CEP85L: variants seen among roughly 807,000 people sequenced by gnomAD.
The protein encoded by CEP85L is centrosomal protein 85L.
A neutral mutation model predicts 100.3 loss-of-function variants in CEP85L; 60 were observed. That is an observed-to-expected ratio of 0.60 (90% CI 0.49 to 0.74). CEP85L has a LOEUF of 0.74. Among genes scored for constraint, CEP85L ranks in the 30% least tolerant of loss-of-function variants. The pLI, the probability that CEP85L is intolerant of heterozygous loss-of-function variation, is 0.00. For synonymous variants in CEP85L, 319 were observed against 322.7 expected (o/e 0.99, Z 0.12); for missense variants, 973 against 936.2 (o/e 1.04, Z -0.51).
At chr6:118,565,332 T>C (rs1779437378) in intron 3 of CEP85L, 197 bp downstream of exon 3, 2 of 597,012 alleles carry the variant, frequency 3.4e-6, no homozygotes, top group Non-Finnish European at 5.9e-6. Flanking sequence ...GTTTTCAGAT[T>C]TTCATGTTAA....
chr6:118,494,146 G>A (rs557518858), intron 5 of CEP85L, among the ~76,000 whole-genome samples: 40 of 152,156 alleles, frequency 2.6e-4, no homozygotes, highest in Non-Finnish European at 5.3e-4. Context: ...AAGAGCCAGG[G>A]TGGGAAAATC....
chr6:118,518,355 G>A (rs1776410074), intron 4 of CEP85L, among the ~76,000 whole-genome samples: 1 of 152,140 alleles, frequency 6.6e-6, no homozygotes, highest in Admixed American at 6.5e-5. Flanking sequence ...GAATCTGTCT[G>A]GTCTTGGACT....
At chr6:118,685,809 G>C (rs1311076361) in intron 1 of CEP85L, among the ~76,000 whole-genome samples, 3 of 151,626 alleles carry the variant, frequency 2.0e-5, no homozygotes, top group Admixed American at 2.0e-4. Flanking sequence ...GAGGAAGAAA[G>C]GAGAAAAAGG....
At chr6:118,557,569 G>A (rs754509776) in intron 3 of CEP85L, among the ~76,000 whole-genome samples, 1 of 152,112 alleles carries the variant, frequency 6.6e-6, no homozygotes, top group Admixed American at 6.5e-5. Flanking sequence ...AAGTTGTCCT[G>A]GGTTGAGTGT....
intron 1 of CEP85L, among the ~76,000 whole-genome samples, chr6:118,684,648 G>A (rs1776774831): frequency 6.6e-6 from 1 of 152,166 alleles, no homozygotes; most frequent in Admixed American, 6.5e-5. Flanking sequence ...GCTCCTGATG[G>A]GGCTGAACAG....
intron 3 of CEP85L, among the ~76,000 whole-genome samples, chr6:118,554,323 T>C (rs1408747702): frequency 6.6e-5 from 10 of 152,050 alleles, no homozygotes; most frequent in Admixed American, 6.6e-4. Flanking sequence ...AATTAATTAA[T>C]TAAAAATGAG....
chr6:118,509,997 A>G (rs1775876249), intron 5 of CEP85L, among the ~76,000 whole-genome samples: 1 of 152,048 alleles, frequency 6.6e-6, no homozygotes, highest in Admixed American at 6.6e-5. Flanking sequence ...TTACATTTCT[A>G]TTCATATGGC....
In CEP85L at chr6:118,461,248, T is replaced by C. The variant is rs1276260820; in HGVS notation, c.*4157A>G. ...AGTTTTATGTTTATGTATTTAACTA[T>C]TTATACATATATGTACATATACATA... is the stretch of plus-strand genomic sequence containing the variant. On this transcript the variant is annotated 3_prime_UTR_variant, in exon 13 of 13. Transcript: ENST00000368491. The C allele has an allele frequency of 3.9e-5, 6 of 152,216 alleles. No homozygotes were observed. Among genetic ancestry groups the C allele is most frequent in the Non-Finnish European group, 7.4e-5 (5 of 67,992 alleles). 9.4% of individuals were successfully genotyped at this position (152,216 alleles called of 1,614,324 possible).
At chr6:118,508,122 A>C (rs1322484743) in intron 5 of CEP85L, among the ~76,000 whole-genome samples, 2 of 152,180 alleles carry the variant, frequency 1.3e-5, no homozygotes, top group Non-Finnish European at 2.9e-5. Context: ...TGTTCCCAGA[A>C]TTTAACACAT....
chr6:118,588,557 T>C (rs1780998469), intron 2 of CEP85L, among the ~76,000 whole-genome samples: 1 of 152,168 alleles, frequency 6.6e-6, no homozygotes, highest in Non-Finnish European at 1.5e-5. Flanking sequence ...TCAAAATTAT[T>C]GACAGGCTAA....
chr6:118,573,156 G>A (rs1432064591), intron 2 of CEP85L, among the ~76,000 whole-genome samples: 3 of 152,148 alleles, frequency 2.0e-5, no homozygotes, highest in African/African-American at 7.2e-5. Context: ...TGAAGAAACT[G>A]CAAAACATCA....
At chr6:118,550,157 G>C (rs893756975) in intron 3 of CEP85L, among the ~76,000 whole-genome samples, 2 of 151,890 alleles carry the variant, frequency 1.3e-5, no homozygotes, top group Non-Finnish European at 3.0e-5. Context: ...ACTAAAAGGC[G>C]TGACAGCACT....
At chr6:118,566,710 TGCCCA>T (rs1203971315) in intron 2 of CEP85L, among the ~76,000 whole-genome samples, 3 of 152,208 alleles carry the variant, frequency 2.0e-5, no homozygotes, top group Admixed American at 6.5e-5. Flanking sequence ...TGAGCCACTG[TGCCCA>T]GCCCAGCACA....
At chr6:118,608,309 C>T (rs1430400701) in intron 2 of CEP85L, among the ~76,000 whole-genome samples, 1 of 152,094 alleles carries the variant, frequency 6.6e-6, no homozygotes, top group African/African-American at 2.4e-5. Context: ...TCCTGGCTAA[C>T]ACGGTGAAAC....
At chr6:118,701,523 A>G (rs1048541384) in intron 1 of CEP85L, among the ~76,000 whole-genome samples, 2 of 152,222 alleles carry the variant, frequency 1.3e-5, no homozygotes, top group African/African-American at 4.8e-5. Flanking sequence ...TAATGTAGGA[A>G]CAGAAAACCA....
intron 3 of CEP85L, among the ~76,000 whole-genome samples, chr6:118,556,610 C>T (rs913138123): frequency 6.6e-6 from 1 of 152,070 alleles, no homozygotes; most frequent in African/African-American, 2.4e-5. Context: ...CAGGAATGGG[C>T]TAACAGGTTG....
In CEP85L at chr6:118,600,300, G is replaced by GGGGGGTGTGT. The variant is rs1562297733; in HGVS notation, c.232+32152_232+32153insACACACCCCC. Among the ~76,000 whole-genome samples the GGGGGGTGTGT allele has an allele frequency of 3.1e-4, 16 of 52,244 alleles. 2 individuals carry two copies. The highest frequency in any genetic ancestry group is 5.7e-4 in the Non-Finnish European group (14 of 24,778). 34.3% of individuals were successfully genotyped at this position (52,244 alleles called of 152,430 possible). ...CTGCCTGTCCCTGAGCCTTCCTGGG[G>GGGGGGTGTGT]GTGTGTGTGTGTGTGTGTGTGTGTG... On this transcript the variant is annotated intron_variant, in intron 2 of 12. Coordinates refer to ENST00000368491, the MANE Select transcript of CEP85L (RefSeq NM_001042475.3).
chr6:118,673,516 A>G (rs970592829), intron 1 of CEP85L, among the ~76,000 whole-genome samples: 3 of 152,238 alleles, frequency 2.0e-5, no homozygotes, highest in African/African-American at 7.2e-5. Flanking sequence ...CTTGCCCTTC[A>G]TATAGACAGC....
intron 3 of CEP85L, among the ~76,000 whole-genome samples, chr6:118,550,248 T>C (rs2114924901): frequency 6.6e-6 from 1 of 151,988 alleles, no homozygotes; most frequent in Middle Eastern, 3.4e-3. Flanking sequence ...CATTTGGGTA[T>C]ATAATCATAT....
Sources: allele counts gnomAD v4.1 joint callset (sites outside exome capture counted in the v4.1 genomes callset), GRCh38; gene constraint gnomAD v4.1.1; transcripts MANE v1.5; gene names NCBI Gene and HGNC (gene_info 2026-07-23, HGNC 2026-07-21).